The following SBF2 variants were observed in gnomAD, a reference collection of about 807,000 sequenced individuals.
SBF2 encodes myotubularin-related protein 13.
In SBF2, 112 loss-of-function variants were observed where a neutral mutation model predicts 225.2. The observed-to-expected ratio is 0.50, with a 90% CI of 0.43 to 0.58. The LOEUF is 0.58. SBF2 is among the 20% of genes least tolerant of loss of function. The pLI, the probability that SBF2 is intolerant of heterozygous loss-of-function variation, is 0.00. For missense variants in SBF2, 1,996 were observed against 2,206.2 expected (o/e 0.90, Z 1.91); for synonymous variants, 763 against 773.3 (o/e 0.99, Z 0.22).
At chr11:9,907,812 G>A (rs1367051588) in intron 16 of SBF2, among the ~76,000 whole-genome samples, 1 of 152,176 alleles carries the variant, frequency 6.6e-6, no homozygotes, top group African/African-American at 2.4e-5. Flanking sequence ...CATATTTGAA[G>A]TATGAATTTA....
chr11:10,016,126 T>A (rs747213285), intron 6 of SBF2, among the ~76,000 whole-genome samples: 2 of 152,122 alleles, frequency 1.3e-5, no homozygotes, highest in Non-Finnish European at 2.9e-5. Context: ...AAAAAAAGGA[T>A]AACCGATTTA....
intron 16 of SBF2, among the ~76,000 whole-genome samples, chr11:9,904,078 G>A (rs1051656657): frequency 1.3e-5 from 2 of 151,936 alleles, no homozygotes; most frequent in Admixed American, 6.6e-5. Flanking sequence ...CTCCTGCCCC[G>A]CTCATGCCTG....
At chr11:9,930,803 C>T (rs1864437599) in intron 16 of SBF2, among the ~76,000 whole-genome samples, 1 of 152,244 alleles carries the variant, frequency 6.6e-6, no homozygotes, top group Admixed American at 6.5e-5. Flanking sequence ...GGTGTCACCT[C>T]ACCTGCGAAG....
chr11:9,876,178 T>C (rs551934083), intron 17 of SBF2, among the ~76,000 whole-genome samples: 1 of 152,286 alleles, frequency 6.6e-6, no homozygotes, highest in East Asian at 1.9e-4. Flanking sequence ...CTCTGTGTAC[T>C]AAACATACTC....
At chr11:10,006,042 A>C (rs1948173846) in intron 6 of SBF2, among the ~76,000 whole-genome samples, 5 of 152,072 alleles carry the variant, frequency 3.3e-5, no homozygotes, top group Non-Finnish European at 2.9e-5. Context: ...AAAACCATGC[A>C]ATGTCTGGGG....
chr11:9,854,568 G>A (rs987338700), intron 19 of SBF2, among the ~76,000 whole-genome samples: 1 of 152,108 alleles, frequency 6.6e-6, no homozygotes, highest in Non-Finnish European at 1.5e-5. Context: ...CATCTATAAT[G>A]ATTATTATTT....
chr11:10,165,855 G>A (rs1483255846), intron 2 of SBF2, among the ~76,000 whole-genome samples: 1 of 152,174 alleles, frequency 6.6e-6, no homozygotes, highest in South Asian at 2.1e-4. Context: ...TACAAATTTA[G>A]CAAATAGGCT....
chr11:9,799,728 C>G (rs1853370045), intron 32 of SBF2, among the ~76,000 whole-genome samples: 1 of 152,128 alleles, frequency 6.6e-6, no homozygotes, highest in African/African-American at 2.4e-5. Context: ...GCTTAGATTT[C>G]TAGGAAGCAA....
intron 2 of SBF2, among the ~76,000 whole-genome samples, chr11:10,129,100 CTTTTTTTTTTTTTT>C (rs757476668): frequency 8.6e-4 from 77 of 89,952 alleles, no homozygotes; most frequent in African/African-American, 2.9e-3. Flanking sequence ...AATTTTCTCT[CTTTTTTTTTTTTTT>C]TTTTTTTTTT....
chr11:9,887,770 C>T (rs186142355), intron 17 of SBF2, among the ~76,000 whole-genome samples: 25 of 150,502 alleles, frequency 1.7e-4, no homozygotes, highest in African/African-American at 5.1e-4. Context: ...CAGAAAAAAA[C>T]GATGAAAAAA....
At position 10,114,642 on chromosome 11, in the gene SBF2, G is replaced by A. The variant is rs892339716; in HGVS notation, c.142-71661C>T. ...CGATGACATTTTAATATCAATTATT[G>A]TATGCTTTCATTTCTAAGTATTGTC... On this transcript the variant is annotated intron_variant, in intron 2 of 39. Transcript: ENST00000256190. Among the ~76,000 whole-genome samples the A allele has an allele frequency of 2.2e-4, 33 of 152,172 alleles. 1 individual carries two copies. The highest frequency in any genetic ancestry group is 1.7e-3 in the Admixed American group (26 of 15,274).
intron 16 of SBF2, among the ~76,000 whole-genome samples, chr11:9,916,598 C>CTTTT (rs538961208): frequency 2.9e-5 from 4 of 138,772 alleles, no homozygotes; most frequent in African/African-American, 8.0e-5. Flanking sequence ...CTTTCTTTTC[C>CTTTT]TTTTTTTTCT....
chr11:9,794,934 G>A (rs1007680515), intron 33 of SBF2, among the ~76,000 whole-genome samples: 1 of 152,086 alleles, frequency 6.6e-6, no homozygotes, highest in African/African-American at 2.4e-5. Context: ...GGATGCCCTG[G>A]AAAGCGGTAT....
At chr11:10,047,353 C>G (rs1949902729) in intron 2 of SBF2, among the ~76,000 whole-genome samples, 1 of 152,102 alleles carries the variant, frequency 6.6e-6, no homozygotes, top group Admixed American at 6.6e-5. Context: ...ACTGACACTA[C>G]CAAACTTTGA....
At chr11:9,829,683 C>T (rs1334098768) in intron 27 of SBF2, 187 bp from the exon 28 acceptor site, 1 of 574,594 alleles carries the variant, frequency 1.7e-6, no homozygotes, top group Admixed American at 2.9e-5. Flanking sequence ...TAATCCTCCA[C>T]TGTAATGCTG....
chr11:9,971,593 A>T (rs1867334795), intron 13 of SBF2, among the ~76,000 whole-genome samples: 1 of 152,104 alleles, frequency 6.6e-6, no homozygotes, highest in Non-Finnish European at 1.5e-5. Flanking sequence ...GGAGGAGGAT[A>T]GTTTAAGCCT....
intron 3 of SBF2, among the ~76,000 whole-genome samples, chr11:10,040,770 A>G (rs1949623759): frequency 6.6e-6 from 1 of 151,538 alleles, no homozygotes; most frequent in Non-Finnish European, 1.5e-5. Flanking sequence ...AGAGAGGGGA[A>G]GAGGGAAGAA....
intron 2 of SBF2, among the ~76,000 whole-genome samples, chr11:10,171,592 T>C (rs1956189370): frequency 1.3e-5 from 2 of 152,214 alleles, no homozygotes; most frequent in South Asian, 2.1e-4. Flanking sequence ...AATTGGCCTA[T>C]GGTTTTCTTT....
intron 2 of SBF2, among the ~76,000 whole-genome samples, chr11:10,157,427 T>C (rs1389843539): frequency 1.3e-5 from 2 of 152,154 alleles, no homozygotes; most frequent in African/African-American, 4.8e-5. Flanking sequence ...TGGAATCTAA[T>C]TAAACTAAAG....
Sources: gnomAD v4.1 joint callset for allele counts (sites outside exome capture counted in the v4.1 genomes callset) on GRCh38, gnomAD v4.1.1 for gene constraint, MANE v1.5 for transcripts, NCBI Gene and HGNC (gene_info 2026-07-23, HGNC 2026-07-21) for gene names.